The following ARMC2 variants were observed in gnomAD, a reference collection of about 807,000 sequenced individuals.
ARMC2 encodes armadillo repeat-containing protein 2.
ARMC2 carries 67 observed loss-of-function variants against 90.3 expected under a neutral mutation model. The ratio of observed to expected loss-of-function variants is 0.74; its 90% CI spans 0.61 to 0.91. The LOEUF (loss-of-function observed/expected upper bound fraction) is 0.91. Among genes scored for constraint, ARMC2 ranks in the 40% least tolerant of loss-of-function variants. The pLI is 0.00. For synonymous variants in ARMC2, 393 were observed against 393.0 expected, an observed-to-expected ratio of 1.00 and a Z score of 0.00; for missense variants, 920 against 1,030.9, an observed-to-expected ratio of 0.89 and a Z score of 1.47.
chr6:108,998,853 C>G, the ARMC2 span: 1 of 1,353,532 alleles, frequency 7.4e-7, no homozygotes, highest in Admixed American at 2.5e-5. Context: ...CATGAGTCAT[C>G]ATACAAAGCC....
At chr6:108,900,339 C>T (rs1771999256) in intron 7 of ARMC2, among the ~76,000 whole-genome samples, 1 of 152,194 alleles carries the variant, frequency 6.6e-6, no homozygotes, top group African/African-American at 2.4e-5. Flanking sequence ...GAAGGCCCAC[C>T]ATCGATGGGT....
the ARMC2 span, among the ~76,000 whole-genome samples, chr6:109,003,785 AT>A: frequency 6.6e-6 from 1 of 152,210 alleles, no homozygotes; most frequent in Non-Finnish European, 1.5e-5. Flanking sequence ...AATAGCAGCC[AT>A]TTATATACAA....
intron 3 of ARMC2, among the ~76,000 whole-genome samples, chr6:108,868,225 G>A (rs1210780535): frequency 7.1e-6 from 1 of 141,704 alleles, no homozygotes; most frequent in South Asian, 2.5e-4. Context: ...TTATTTGGGG[G>A]TGGGGGGGCG....
chr6:108,999,801 C>A, the ARMC2 span: 1 of 152,040 alleles, frequency 6.6e-6, no homozygotes, highest in African/African-American at 2.4e-5. Flanking sequence ...AAACTTTTGT[C>A]GACAAAAAAC....
chr6:108,967,050 C>A (rs1562439281), intron 17 of ARMC2, among the ~76,000 whole-genome samples: 1 of 152,228 alleles, frequency 6.6e-6, no homozygotes, highest in Non-Finnish European at 1.5e-5. Flanking sequence ...AGCTCCGCCC[C>A]CTGGGCTCTG....
At chr6:108,919,492 T>C (rs1489030960) in intron 10 of ARMC2, among the ~76,000 whole-genome samples, 1 of 151,842 alleles carries the variant, frequency 6.6e-6, no homozygotes, top group Non-Finnish European at 1.5e-5. Context: ...GCCCCATGAT[T>C]GTATTTCCTA....
At chr6:108,861,785 C>G (rs960731879) in intron 3 of ARMC2, among the ~76,000 whole-genome samples, 15 of 152,076 alleles carry the variant, frequency 9.9e-5, no homozygotes, top group African/African-American at 3.4e-4. Context: ...GCTCTTTATT[C>G]TATGATTCTG....
At chr6:108,979,157 T>A (rs1779039458), downstream of ARMC2, among the ~76,000 whole-genome samples, 1 of 152,214 alleles carries the variant, frequency 6.6e-6, no homozygotes, top group South Asian at 2.1e-4. Context: ...CGTTTAGTGC[T>A]TCCTTCAGGA....
rs557465163 is a variant in ARMC2, at chr6:108,877,656, G to A, written c.671+1306G>A. On this transcript the variant is annotated intron_variant, in intron 5 of 17. Coordinates refer to ENST00000392644, the MANE Select transcript of ARMC2 (RefSeq NM_032131.6). ...TTTCTTTCAGTACTGAAGTAAAAAGGAAACATTTATCTTGCTGCATCCATC... is the reference window on the plus strand; with the variant it reads ...TTTCTTTCAGTACTGAAGTAAAAAGAAAACATTTATCTTGCTGCATCCATC... 1.4e-4 allele frequency among the ~76,000 whole-genome samples: 22 copies of A among 152,280 alleles called. 1 individual carries two copies. Among genetic ancestry groups the A allele is most frequent in the African/African-American group, 5.1e-4 (21 of 41,546 alleles).
chr6:108,901,711 C>CT lies in ARMC2; in HGVS notation c.847+1919_847+1920insT, dbSNP rs549032954. 4.2e-3 allele frequency among the ~76,000 whole-genome samples: 638 copies of CT among 152,290 alleles called. 3 individuals carry two copies. Among genetic ancestry groups the CT allele is most frequent in the African/African-American group, 0.014 (598 of 41,558 alleles). On this transcript the variant is annotated intron_variant, in intron 7 of 17. Transcript: ENST00000392644. ...GGATTACAGGTGTGAGCCACTGAGCCGGCTGGCATGTATTTCTTAGAAACA... is the reference window on the plus strand; with the variant it reads ...GGATTACAGGTGTGAGCCACTGAGCCTGGCTGGCATGTATTTCTTAGAAACA...
rs1771395426 is a variant in ARMC2, at chr6:108,894,471, CA to C, written c.677del (p.Gln226ArgfsTer17). 3 of 1,607,810 alleles carry C rather than the reference CA, an allele frequency of 1.9e-6. No homozygotes were observed. Among genetic ancestry groups the C allele is most frequent in the Admixed American group, 1.7e-5 (1 of 58,534 alleles). ...TGTTTTATGTATTCCTCCTAGGGACCAGGGGAAGAGACATGCGAGGGCCTCA... is the reference window on the plus strand; with the variant it reads ...TGTTTTATGTATTCCTCCTAGGGACCGGGGAAGAGACATGCGAGGGCCTCA... Reference protein sequence around the residue: ...LPSHLKNGGDQGKRHARASSC... With the variant: ...LPSHLKNGGDXGKRHARASSC... On this transcript the variant is annotated frameshift_variant, in exon 6 of 18. Transcript: ENST00000392644. LOFTEE classifies it high-confidence loss of function.
At chr6:109,050,388 T>TAAA in the ARMC2 span, among the ~76,000 whole-genome samples, 658 of 134,102 alleles carry the variant, frequency 4.9e-3, 6 homozygotes, top group African/African-American at 0.016. Flanking sequence ...TTTAAATTGT[T>TAAA]AAAAAAAAAA....
intron 3 of ARMC2, among the ~76,000 whole-genome samples, chr6:108,864,906 A>C (rs1775659058): frequency 6.6e-6 from 1 of 152,192 alleles, no homozygotes; most frequent in Non-Finnish European, 1.5e-5. Context: ...AACAGACCTT[A>C]AAATATGACT....
At chr6:108,935,949 T>C (rs1180096292) in intron 11 of ARMC2, among the ~76,000 whole-genome samples, 1 of 152,194 alleles carries the variant, frequency 6.6e-6, no homozygotes, top group Non-Finnish European at 1.5e-5. Flanking sequence ...CTCTGAAAAT[T>C]TACTGAGATT....
chr6:109,047,057 C>T, the ARMC2 span, among the ~76,000 whole-genome samples: 1 of 1,694 alleles, frequency 5.9e-4, no homozygotes, highest in Non-Finnish European at 1.1e-3. Flanking sequence ...GTCAGCCCTC[C>T]ACCCGGCCAG....
intron 10 of ARMC2, among the ~76,000 whole-genome samples, chr6:108,920,556 C>T (rs1434719396): frequency 6.6e-6 from 1 of 152,142 alleles, no homozygotes; most frequent in Non-Finnish European, 1.5e-5. Flanking sequence ...ATGTTCTCCT[C>T]CAATTTTCCA....
chr6:108,899,839 A>T (rs9486974), intron 7 of ARMC2, 47 bp downstream of exon 7: 51,160 of 1,294,646 alleles, frequency 0.04, 2,089 homozygotes, highest in African/African-American at 0.21. Flanking sequence ...TTTTTTTTTT[A>T]AAAAATACCT....
chr6:108,941,242 CTCT>C (rs750023641), intron 12 of ARMC2, among the ~76,000 whole-genome samples: 16 of 152,310 alleles, frequency 1.1e-4, no homozygotes, highest in Admixed American at 3.9e-4. Context: ...AGTTGTAGCT[CTCT>C]TGTCTGCTCC....
the ARMC2 span, among the ~76,000 whole-genome samples, chr6:109,038,562 C>G: frequency 6.6e-6 from 1 of 152,200 alleles, no homozygotes; most frequent in Non-Finnish European, 1.5e-5. Context: ...GAGATGTTGA[C>G]TCTAAGAGAA....
Sources: gnomAD v4.1 joint callset for allele counts (sites outside exome capture counted in the v4.1 genomes callset) on GRCh38, gnomAD v4.1.1 for gene constraint, MANE v1.5 for transcripts, NCBI Gene and HGNC (gene_info 2026-07-23, HGNC 2026-07-21) for gene names.